The following RYR2 variants were observed in gnomAD, a reference collection of about 807,000 sequenced individuals.
The protein encoded by RYR2 is cardiac muscle ryanodine receptor-calcium release channel.
RYR2 carries 227 observed loss-of-function variants against 601.1 expected under a neutral mutation model. That is an observed-to-expected ratio of 0.38 (90% CI 0.34 to 0.42). The LOEUF is 0.42. Ranked by LOEUF, RYR2 falls within the 10% of genes least tolerant of loss-of-function variation. The pLI, the probability that RYR2 is intolerant of heterozygous loss-of-function variation, is 1.00. For missense variants in RYR2, 4,646 were observed against 6,156.5 expected, an observed-to-expected ratio of 0.75 and a Z score of 8.21; for synonymous variants, 2,223 against 2,175.1, an observed-to-expected ratio of 1.02 and a Z score of -0.61.
In RYR2 at chr1:237,730,299, G is replaced by A; in HGVS notation, c.10878G>A (p.Lys3626=). 1 of 1,609,530 alleles carries A rather than the reference G, an allele frequency of 6.2e-7. No homozygotes were observed. Among genetic ancestry groups the A allele is most frequent in the Non-Finnish European group, 8.5e-7 (1 of 1,176,082 alleles). Residue 3626 remains lysine, a synonymous_variant, in exon 77 of 105, where the codon AAG becomes AAA. Coordinates refer to ENST00000366574, the MANE Select transcript of RYR2 (RefSeq NM_001035.3). ...AVNLFLQGYE[K]SWIETEEHYF... ...ATCTCTTTCTTCAGGGATATGAAAA[G>A]TCTTGGATTGAAACAGAAGAACATT...
chr1:237,418,919 A>T (rs192371706), intron 11 of RYR2, among the ~76,000 whole-genome samples: 1 of 152,032 alleles, frequency 6.6e-6, no homozygotes, highest in African/African-American at 2.4e-5. Flanking sequence ...TTGGAAATGC[A>T]TATCATAATG....
intron 71 of RYR2, among the ~76,000 whole-genome samples, chr1:237,714,991 CAAAAAAAAAAAAAAA>C (rs5781983): frequency 2.0e-4 from 9 of 44,450 alleles, no homozygotes; most frequent in South Asian, 1.6e-3. Context: ...GACTCCATCT[CAAAAAAAAAAAAAAA>C]AAAAAAAAAA....
intron 74 of RYR2, among the ~76,000 whole-genome samples, chr1:237,723,961 A>T (rs1689971611): frequency 6.6e-6 from 1 of 151,924 alleles, no homozygotes; most frequent in African/African-American, 2.4e-5. Context: ...GCTTAGGTAA[A>T]ATATCTGCAA....
intron 1 of RYR2, among the ~76,000 whole-genome samples, chr1:237,163,764 C>T (rs1676310377): frequency 1.3e-5 from 2 of 152,164 alleles, no homozygotes; most frequent in Admixed American, 6.5e-5. Context: ...AAGATTTGAT[C>T]AACAATTGAG....
At chr1:237,443,461 C>A (rs1199372159) in intron 13 of RYR2, among the ~76,000 whole-genome samples, 1 of 152,098 alleles carries the variant, frequency 6.6e-6, no homozygotes, top group Admixed American at 6.5e-5. Flanking sequence ...AGATAAAAAT[C>A]ATGTGTTGTG....
chr1:237,117,740 CT>C (rs1253940339), intron 1 of RYR2, among the ~76,000 whole-genome samples: 74 of 125,164 alleles, frequency 5.9e-4, no homozygotes, highest in African/African-American at 2.2e-3. Flanking sequence ...CTCTTCTCTT[CT>C]CTTCTCTTCT....
chr1:237,816,153 C>T (rs1449033539), intron 100 of RYR2, among the ~76,000 whole-genome samples: 1 of 152,088 alleles, frequency 6.6e-6, no homozygotes, highest in Non-Finnish European at 1.5e-5. Flanking sequence ...GGAATGGGGA[C>T]CCAAGAGACC....
chr1:237,340,400 A>G (rs1412033104), intron 3 of RYR2, among the ~76,000 whole-genome samples: 8 of 152,272 alleles, frequency 5.3e-5, no homozygotes, highest in Non-Finnish European at 8.8e-5. Context: ...ATAAAGAGAG[A>G]AGATAAATAT....
intron 56 of RYR2, among the ~76,000 whole-genome samples, chr1:237,663,879 A>C (rs1684041066): frequency 6.6e-6 from 1 of 152,190 alleles, no homozygotes; most frequent in Non-Finnish European, 1.5e-5. Context: ...AAACTTAAGG[A>C]CATGAATAAT....
At chr1:237,271,170 A>G (rs1297607637) in intron 2 of RYR2, among the ~76,000 whole-genome samples, 3 of 152,104 alleles carry the variant, frequency 2.0e-5, no homozygotes, top group Non-Finnish European at 4.4e-5. Flanking sequence ...CATAAAGGGC[A>G]AAGGACAGAA....
At chr1:237,316,476 C>G (rs1011477308) in intron 2 of RYR2, among the ~76,000 whole-genome samples, 4 of 152,154 alleles carry the variant, frequency 2.6e-5, no homozygotes, top group Admixed American at 6.5e-5. Flanking sequence ...GTTTCAGATC[C>G]AAAGGCTCTG....
In RYR2 at chr1:237,388,096, T is replaced by C; in HGVS notation, c.686T>C (p.Ile229Thr). The C allele has an allele frequency of 6.2e-7, 1 of 1,613,668 alleles. No homozygotes were observed. ...TTTTTTATCCTTACAGGGTATCTCA[T>C]TGGTGGTGATGTCCTCAGGTTGCTG... ...SGSEAAQGYL[I>T]GGDVLRLLHG... The change falls in exon 10 of 105, where the codon ATT (isoleucine) becomes ACT (threonine). Residue 229 changes from isoleucine (I) to threonine (T), a missense_variant. Physicochemically the swap from Ile to Thr is moderately conservative, Grantham distance 89. Transcript: ENST00000366574.
intron 35 of RYR2, among the ~76,000 whole-genome samples, chr1:237,607,168 C>A (rs914337879): frequency 6.6e-6 from 1 of 152,202 alleles, no homozygotes; most frequent in Non-Finnish European, 1.5e-5. Context: ...AGACTTGGAA[C>A]CAACCCAAAT....
chr1:237,189,083 T>C (rs1679682344), intron 1 of RYR2, among the ~76,000 whole-genome samples: 1 of 152,134 alleles, frequency 6.6e-6, no homozygotes, highest in South Asian at 2.1e-4. Context: ...CAACCACCTT[T>C]CTACTTTGTT....
At chr1:237,794,988 A>G (rs943563233) in intron 95 of RYR2, among the ~76,000 whole-genome samples, 16 of 152,350 alleles carry the variant, frequency 1.1e-4, no homozygotes, top group African/African-American at 2.6e-4. Context: ...AAACAGGTCT[A>G]TGTACTGATA....
In RYR2 at chr1:237,609,546, C is replaced by T. The variant is rs114524737; in HGVS notation, c.4684-1216C>T. Among the ~76,000 whole-genome samples the T allele has an allele frequency of 7.7e-3, 1,163 of 151,744 alleles. 7 individuals are homozygous for T. Among genetic ancestry groups the T allele is most frequent in the Non-Finnish European group, 9.9e-3 (675 of 67,880 alleles). ...CACCATTTTTGTTTTTTTTTACAGG[C>T]GAATTTTTGTATTTTTAGCAGTGGG... On this transcript the variant is annotated intron_variant, in intron 35 of 104. Transcript: ENST00000366574.
chr1:237,198,440 ATT>A (rs145357805), intron 1 of RYR2, among the ~76,000 whole-genome samples: 50,956 of 132,310 alleles, frequency 0.39, 9,171 homozygotes, highest in African/African-American at 0.4. Flanking sequence ...TGTTTCCTTG[ATT>A]TTTTTTTTTT....
chr1:237,648,058 C>G (rs970891844), intron 48 of RYR2, among the ~76,000 whole-genome samples: 2 of 152,138 alleles, frequency 1.3e-5, no homozygotes, highest in South Asian at 2.1e-4. Flanking sequence ...GGTAGATGAG[C>G]TTTATTCATG....
intron 1 of RYR2, among the ~76,000 whole-genome samples, chr1:237,211,804 C>G (rs1490235434): frequency 6.6e-6 from 1 of 152,154 alleles, no homozygotes; most frequent in Non-Finnish European, 1.5e-5. Context: ...TAGTGAGCCA[C>G]TCCCCTTAAT....
Sources: allele counts gnomAD v4.1 joint callset (sites outside exome capture counted in the v4.1 genomes callset), GRCh38; gene constraint gnomAD v4.1.1; transcripts MANE v1.5; gene names NCBI Gene and HGNC (gene_info 2026-07-23, HGNC 2026-07-21).